The following NPHP4 variants were observed in gnomAD, a reference collection of about 807,000 sequenced individuals.
NPHP4 encodes nephrocystin-4.
A neutral mutation model predicts 155.8 loss-of-function variants in NPHP4; 151 were observed. That is an observed-to-expected ratio of 0.97 (90% CI 0.85 to 1.11). NPHP4 has a LOEUF of 1.11. Among genes scored for constraint, NPHP4 ranks in the 50% least tolerant of loss-of-function variants. The pLI, the probability that NPHP4 is intolerant of heterozygous loss-of-function variation, is 0.00. For missense variants in NPHP4, 1,956 were observed against 1,925.7 expected, an observed-to-expected ratio of 1.02 and a Z score of -0.29; for synonymous variants, 845 against 816.8, an observed-to-expected ratio of 1.03 and a Z score of -0.59.
chr1:5,863,182 G>A lies in NPHP4; in HGVS notation c.*83C>T. The A allele has an allele frequency of 7.1e-7, 1 of 1,406,924 alleles. No individual in the cohort carries two copies. Among genetic ancestry groups the A allele is most frequent in the Non-Finnish European group, 9.8e-7 (1 of 1,018,018 alleles). 87.2% of individuals were successfully genotyped at this position (1,406,924 alleles called of 1,614,324 possible). A position where few individuals can be genotyped will look rare whatever the true frequency, so the allele number is the denominator to read the frequency against. On this transcript the variant is annotated 3_prime_UTR_variant, in exon 30 of 30. Transcript: ENST00000378156. The stretch of plus-strand genomic sequence containing the variant: ...GCACTGAAGTGAAAGGCTGCAGAGA[G>A]GCGGGGAGGACAGCCTGCAGGGCAG...
chr1:5,927,575 G>T, intron 11 of NPHP4, 74 bp downstream of exon 11: 1 of 1,472,872 alleles, frequency 6.8e-7, no homozygotes, highest in Non-Finnish European at 9.3e-7. Flanking sequence ...ACTAGACTAA[G>T]TACCTTTCCC....
rs540248621 is a variant in NPHP4 at position 5,923,941 on chromosome 1, T to C, written c.1441+3708A>G. Among the ~76,000 whole-genome samples, 346 of 152,248 alleles carry C rather than the reference T, an allele frequency of 2.3e-3. 2 individuals carry two copies. Among genetic ancestry groups the C allele is most frequent in the African/African-American group, 7.8e-3 (324 of 41,550 alleles). On this transcript the variant is annotated intron_variant, in intron 11 of 29. Transcript: ENST00000378156. ...AACTGATCCTGAACTGACAAAGATATTAGAATTAGCAAGCCAGGATATTAA... is the reference window on the plus strand; with the variant it reads ...AACTGATCCTGAACTGACAAAGATACTAGAATTAGCAAGCCAGGATATTAA...
chr1:5,944,139 T>C lies in NPHP4; in HGVS notation c.1119+2965A>G, dbSNP rs11803319. On this transcript the variant is annotated intron_variant, in intron 9 of 29. Coordinates refer to ENST00000378156, the MANE Select transcript of NPHP4 (RefSeq NM_015102.5). The surrounding 1 kb of genome is among the most constrained non-coding windows in gnomAD (Gnocchi z 4.3). Reference sequence around the variant, plus strand: ...TCAAAACGGGTTGTGGGAGAGGACATAGAAGAAGCAGATTGTCCAGGAAGC... The same window carrying C: ...TCAAAACGGGTTGTGGGAGAGGACACAGAAGAAGCAGATTGTCCAGGAAGC... 3.7e-3 allele frequency among the ~76,000 whole-genome samples: 569 copies of C among 152,246 alleles called. 4 individuals carry two copies. The highest frequency in any genetic ancestry group is 0.013 in the African/African-American group (549 of 41,536).
rs1287980737 is a variant in NPHP4, at chr1:5,944,416, G to A, written c.1119+2688C>T. On this transcript the variant is annotated intron_variant, in intron 9 of 29. Coordinates refer to ENST00000378156, the MANE Select transcript of NPHP4 (RefSeq NM_015102.5). The surrounding 1 kb of genome is among the most constrained non-coding windows in gnomAD (Gnocchi z 4.3). ...CCGCCCTGGGCCTTCCAAGGAGCGC[G>A]CTGGGCTCCTCTACCACAGCCACCG... Among the ~76,000 whole-genome samples the A allele has an allele frequency of 2.0e-5, 3 of 152,232 alleles. No homozygotes were observed. In the South Asian group the frequency reaches 6.2e-4, roughly 32 times the overall value.
In NPHP4 at chr1:5,921,663, T is replaced by C. The variant is rs528666226; in HGVS notation, c.1441+5986A>G. On this transcript the variant is annotated intron_variant, in intron 11 of 29. Coordinates refer to ENST00000378156, the MANE Select transcript of NPHP4 (RefSeq NM_015102.5). ...CTTCATATGACGACAGCGTTAGCGA[T>C]CGCCCAGCAACTGCTGAGCACTGTC... 4.6e-5 allele frequency among the ~76,000 whole-genome samples: 7 copies of C among 152,396 alleles called. No homozygotes were observed. In the East Asian group the frequency reaches 1.2e-3, roughly 25 times the overall value.
chr1:5,874,748 A>T, intron 21 of NPHP4, 91 bp from the exon 22 acceptor site: 1 of 1,521,304 alleles, frequency 6.6e-7, no homozygotes, highest in Admixed American at 1.8e-5. Context: ...CGGTGCTCAG[A>T]GGAGTGGGAG....
At chr1:5,950,003 G>A (rs1557813864) in intron 7 of NPHP4, among the ~76,000 whole-genome samples, 1 of 152,140 alleles carries the variant, frequency 6.6e-6, no homozygotes, top group Non-Finnish European at 1.5e-5. Context: ...AAGAAAAATG[G>A]CTGAATTTAT....
chr1:5,932,876 A>C (rs949854093), intron 10 of NPHP4, among the ~76,000 whole-genome samples: 1 of 152,204 alleles, frequency 6.6e-6, no homozygotes, highest in African/African-American at 2.4e-5. Flanking sequence ...ACACAGGTGA[A>C]TCTTGCTGCA....
chr1:5,974,138 A>G (rs1204570566), intron 3 of NPHP4, among the ~76,000 whole-genome samples: 1 of 152,218 alleles, frequency 6.6e-6, no homozygotes, highest in Non-Finnish European at 1.5e-5. Context: ...AAATTATAGC[A>G]CGCTCATTGC....
At chr1:5,960,179 C>T (rs971861737) in intron 6 of NPHP4, among the ~76,000 whole-genome samples, 3 of 152,174 alleles carry the variant, frequency 2.0e-5, no homozygotes, top group Non-Finnish European at 2.9e-5. Context: ...TAAGACACCC[C>T]GAAGTGGGCG....
intron 9 of NPHP4, among the ~76,000 whole-genome samples, chr1:5,938,112 C>T (rs932853643): frequency 6.6e-6 from 1 of 152,214 alleles, no homozygotes; most frequent in African/African-American, 2.4e-5. Context: ...GGAGGTGGAG[C>T]CTGGTGTCCC....
intron 3 of NPHP4, among the ~76,000 whole-genome samples, chr1:5,972,621 G>C (rs899102082): frequency 6.6e-6 from 1 of 152,192 alleles, no homozygotes; most frequent in African/African-American, 2.4e-5. Context: ...CCCTGCTTAT[G>C]GAAAAGCACA....
At chr1:5,941,847 G>A (rs1038413901) in intron 9 of NPHP4, among the ~76,000 whole-genome samples, 1 of 152,192 alleles carries the variant, frequency 6.6e-6, no homozygotes, top group Non-Finnish European at 1.5e-5. Context: ...ACCCACCAGT[G>A]AGGAGACAGG....
chr1:5,948,275 A>C, intron 7 of NPHP4, 24 bp from the exon 8 acceptor site: 1 of 1,525,944 alleles, frequency 6.6e-7, no homozygotes, highest in East Asian at 2.4e-5. Flanking sequence ...AGAAGGAATG[A>C]GCCCCGGCAC....
chr1:5,879,012 C>G (rs1205008301), intron 19 of NPHP4, among the ~76,000 whole-genome samples: 1 of 152,206 alleles, frequency 6.6e-6, no homozygotes, highest in Non-Finnish European at 1.5e-5. Context: ...GAAGCTGGCC[C>G]AGAACAACAG....
chr1:5,979,977 C>T (rs1288731664), intron 2 of NPHP4, among the ~76,000 whole-genome samples: 2 of 152,144 alleles, frequency 1.3e-5, no homozygotes, highest in African/African-American at 4.8e-5. Context: ...ACATGCCCCA[C>T]TACCTCTGTC....
intron 2 of NPHP4, 26 bp from the exon 3 acceptor site, chr1:5,978,439 T>G: frequency 1.3e-6 from 2 of 1,589,556 alleles, no homozygotes; most frequent in Non-Finnish European, 1.7e-6. Flanking sequence ...GAATTGACCC[T>G]CAAGAGTCTG....
In NPHP4 at chr1:5,927,697, G is replaced by A. The variant is rs780162040; in HGVS notation, c.1393C>T (p.Pro465Ser). Residue 465 changes from proline (P) to serine (S), a missense_variant, in exon 11 of 30, where the codon CCC (proline) becomes TCC (serine). By Grantham distance (74) the Pro-to-Ser change is moderately conservative. Coordinates refer to ENST00000378156, the MANE Select transcript of NPHP4 (RefSeq NM_015102.5). ...CTGGAAGGCCGCCGCTCCACTTTGG[G>A]GCCACTGACAGGCTCCGTGGGTGCA... ...LDAPTEPVSG[P>S]KVERRPSRKP... 3.1e-6 allele frequency: 5 copies of A among 1,613,322 alleles called. No homozygotes were observed. The African/African-American group carries it at 6.7e-5, about 22-fold the overall frequency.
chr1:5,880,335 G>A (rs1475289621), intron 18 of NPHP4, 96 bp from the exon 19 acceptor site: 3 of 1,307,072 alleles, frequency 2.3e-6, no homozygotes, highest in Non-Finnish European at 3.2e-6. Context: ...GCTTTCAAAT[G>A]GCCTATCTAC....
Sources: allele counts gnomAD v4.1 joint callset (sites outside exome capture counted in the v4.1 genomes callset), GRCh38; gene constraint gnomAD v4.1.1; non-coding constraint Gnocchi (gnomAD v3.1); transcripts MANE v1.5; gene names NCBI Gene and HGNC (gene_info 2026-07-23, HGNC 2026-07-21).